Variants in IQSEC1 observed in about 807,000 individuals in gnomAD.
IQSEC1 encodes the protein IQ motif and SEC7 domain-containing protein 1.
IQSEC1 carries 31 observed loss-of-function variants against 91.0 expected under a neutral mutation model. The observed-to-expected ratio is 0.34, with a 90% CI of 0.26 to 0.46. The LOEUF is 0.46. Ranked by LOEUF, IQSEC1 falls within the 20% of genes least tolerant of loss-of-function variation. The pLI is 1.00. For missense variants in IQSEC1, 1,388 were observed against 1,575.6 expected (o/e 0.88, Z 2.02); for synonymous variants, 699 against 662.6 (o/e 1.05, Z -0.84).
intron 1 of IQSEC1, among the ~76,000 whole-genome samples, chr3:13,026,883 G>C (rs9833402): frequency 1.1e-4 from 7 of 62,672 alleles, no homozygotes; most frequent in Admixed American, 1.0e-3. Flanking sequence ...TTTTTTGTTT[G>C]TTTTTTTTTT....
At position 13,073,420 on chromosome 3, in the gene IQSEC1, C is replaced by G. The variant is rs568000365; in HGVS notation, c.-406G>C. Among the ~76,000 whole-genome samples, 2 of 152,116 alleles carry G rather than the reference C, an allele frequency of 1.3e-5. No individual in the cohort carries two copies. Among genetic ancestry groups the G allele is most frequent in the South Asian group, 4.1e-4 (2 of 4,822 alleles). ...GAGAAGGCTGCCCCGGGTTTGCTCT[C>G]GCAGCATCCGGAGAAGGGGCGGGCG... On this transcript the variant is annotated 5_prime_UTR_variant, in exon 1 of 14. Transcript: ENST00000613206.
At position 12,901,516 on chromosome 3, in the gene IQSEC1, T is replaced by C. The variant is rs2124984378; in HGVS notation, c.2812A>G (p.Ile938Val). Residue 938 changes from isoleucine (I) to valine (V), a missense_variant, in exon 14 of 14, where the codon ATC (isoleucine) becomes GTC (valine). Physicochemically the swap from Ile to Val is conservative, Grantham distance 29 (BLOSUM62 3). This residue lies in a region of IQSEC1 where 329 missense variants were observed against 257.8 expected (regional missense o/e 1.28). Coordinates refer to ENST00000613206, the MANE Select transcript of IQSEC1 (RefSeq NM_001134382.3). Reference protein sequence around the residue: ...GSLESNVEGSIISSPHMRRRA... With the variant: ...GSLESNVEGSVISSPHMRRRA... ...CGGCGCATGTGAGGACTGCTAATGA[T>C]GGACCCCTAAAAAGGAAATTCATAG... 2.6e-6 allele frequency: 4 copies of C among 1,549,078 alleles called. No individual in the cohort carries two copies. The highest frequency in any genetic ancestry group is 3.5e-6 in the Non-Finnish European group (4 of 1,146,384).
intron 1 of IQSEC1, among the ~76,000 whole-genome samples, chr3:12,949,296 C>A (rs1438579711): frequency 6.6e-6 from 1 of 152,210 alleles, no homozygotes; most frequent in Non-Finnish European, 1.5e-5. Context: ...GAGAAATAAG[C>A]CTAGCCACGT....
At chr3:13,088,610 T>C (rs1343838862) in intron 2 of IQSEC1, among the ~76,000 whole-genome samples, 1 of 152,144 alleles carries the variant, frequency 6.6e-6, no homozygotes, top group Non-Finnish European at 1.5e-5. Flanking sequence ...CATGAGACCA[T>C]GGCCCTCTTC....
chr3:12,903,196 G>A (rs1432794523), intron 12 of IQSEC1, among the ~76,000 whole-genome samples: 1 of 152,222 alleles, frequency 6.6e-6, no homozygotes, highest in Non-Finnish European at 1.5e-5. Context: ...CGGGTGAATG[G>A]GGAGGGGTGA....
intron 2 of IQSEC1, among the ~76,000 whole-genome samples, chr3:13,108,143 A>C (rs1310966462): frequency 6.6e-6 from 1 of 152,212 alleles, no homozygotes; most frequent in Non-Finnish European, 1.5e-5. Flanking sequence ...TGTCCACGCT[A>C]TAGAGTTTTT....
At chr3:13,169,214 A>C (rs756034451) in intron 1 of IQSEC1, among the ~76,000 whole-genome samples, 1 of 152,132 alleles carries the variant, frequency 6.6e-6, no homozygotes, top group Non-Finnish European at 1.5e-5. Context: ...GATAGTGAAT[A>C]AGTACCATGA....
intron 1 of IQSEC1, among the ~76,000 whole-genome samples, chr3:13,184,867 G>A (rs1693904402): frequency 6.6e-6 from 1 of 152,226 alleles, no homozygotes; most frequent in South Asian, 2.1e-4. Context: ...GTTCGGGAGT[G>A]TCTGGGTGTG....
intron 2 of IQSEC1, among the ~76,000 whole-genome samples, chr3:13,121,609 G>C (rs1356011412): frequency 1.3e-5 from 2 of 152,340 alleles, no homozygotes; most frequent in African/African-American, 4.8e-5. Flanking sequence ...TAATTGATGT[G>C]TTCTGAGAAG....
intron 2 of IQSEC1, among the ~76,000 whole-genome samples, chr3:13,092,825 C>T (rs1705887222): frequency 6.6e-6 from 1 of 152,242 alleles, no homozygotes; most frequent in East Asian, 1.9e-4. Flanking sequence ...CCTCCTCACT[C>T]TGCTCCAGGC....
chr3:12,982,807 A>G (rs1701533998), intron 1 of IQSEC1, among the ~76,000 whole-genome samples: 1 of 152,224 alleles, frequency 6.6e-6, no homozygotes, highest in South Asian at 2.1e-4. Context: ...TGGTCACTTC[A>G]GGAAACAAAA....
At chr3:13,085,576 A>C (rs889646067) in intron 2 of IQSEC1, among the ~76,000 whole-genome samples, 10 of 152,234 alleles carry the variant, frequency 6.6e-5, no homozygotes, top group African/African-American at 2.2e-4. Flanking sequence ...AGCTGCAGCC[A>C]GGTGGGTCCT....
chr3:13,082,089 G>T (rs987289010), intron 2 of IQSEC1, among the ~76,000 whole-genome samples: 3 of 152,140 alleles, frequency 2.0e-5, no homozygotes, highest in Non-Finnish European at 4.4e-5. Flanking sequence ...CCCGAGTCGC[G>T]CAGGGCAGCA....
At chr3:13,240,482 G>A (rs561816286) in intron 1 of IQSEC1, among the ~76,000 whole-genome samples, 33 of 152,314 alleles carry the variant, frequency 2.2e-4, no homozygotes, top group Non-Finnish European at 4.6e-4. Context: ...AGGCTTGGAG[G>A]AACCCAACAG....
chr3:13,191,476 AATTTTTTTTTTTTT>A (rs1368677115), intron 1 of IQSEC1, among the ~76,000 whole-genome samples: 1 of 111,826 alleles, frequency 8.9e-6, no homozygotes, highest in Non-Finnish European at 1.8e-5. Flanking sequence ...ACACCCAGCT[AATTTTTTTTTTTTT>A]TTTTTTTTTT....
At chr3:13,229,272 A>C (rs1268876568) in intron 1 of IQSEC1, among the ~76,000 whole-genome samples, 1 of 152,250 alleles carries the variant, frequency 6.6e-6, no homozygotes, top group Non-Finnish European at 1.5e-5. Flanking sequence ...GTTCTCTCAC[A>C]ACCATGTGCT....
chr3:13,074,896 A>G (rs1705538750), upstream of IQSEC1, among the ~76,000 whole-genome samples: 1 of 152,218 alleles, frequency 6.6e-6, no homozygotes, highest in Admixed American at 6.5e-5. Context: ...CGATTTGCCT[A>G]AAGTTGCACA....
At chr3:13,034,726 G>T (rs11128630) in intron 1 of IQSEC1, among the ~76,000 whole-genome samples, 27,131 of 152,150 alleles carry the variant, frequency 0.18, 2,672 homozygotes, top group Middle Eastern at 0.32. Context: ...TTCTGCTGAG[G>T]ACAAGTTTCT....
rs141029845 is a variant in IQSEC1, at chr3:13,276,796, G to C, written c.272+5915C>G. ...ATCCTGCTGGAATATCCACCCCTCGGAGGGCAGGATTCAAACTCCCAAGGC... is the reference window on the plus strand; with the variant it reads ...ATCCTGCTGGAATATCCACCCCTCGCAGGGCAGGATTCAAACTCCCAAGGC... On this transcript the variant is annotated intron_variant, in intron 1 of 15. Transcript: ENST00000648114. Among the ~76,000 whole-genome samples the C allele has an allele frequency of 5.4e-3, 818 of 152,264 alleles. 5 individuals are homozygous for C. The highest frequency in any genetic ancestry group is 0.019 in the African/African-American group (771 of 41,554).
Sources: allele counts gnomAD v4.1 joint callset (sites outside exome capture counted in the v4.1 genomes callset), GRCh38; gene constraint gnomAD v4.1.1; regional missense constraint gnomAD v4.1.1; transcripts MANE v1.5; gene names NCBI Gene and HGNC (gene_info 2026-07-23, HGNC 2026-07-21).